SYCE1: variants seen among roughly 807,000 people sequenced by gnomAD.
SYCE1 encodes the protein synaptonemal complex central element protein 1, also known as cancer/testis antigen 76.
In SYCE1, 37 loss-of-function variants were observed where a neutral mutation model predicts 55.1. That is an observed-to-expected ratio of 0.67 (90% CI 0.52 to 0.88). SYCE1 has a LOEUF of 0.88. Ranked by LOEUF, SYCE1 falls within the 40% of genes least tolerant of loss-of-function variation. The pLI is 0.00. For missense variants in SYCE1, 399 were observed against 416.4 expected (o/e 0.96, Z 0.36); for synonymous variants, 163 against 159.4 (o/e 1.02, Z -0.17).
chr10:133,566,415 A>T (rs1851935173), upstream of SYCE1, among the ~76,000 whole-genome samples: 1 of 150,214 alleles, frequency 6.7e-6, no homozygotes, highest in Admixed American at 6.6e-5. Flanking sequence ...AGAGCTAGGG[A>T]TTAAGGTTAG....
At chr10:133,566,984 G>T (rs909762374), upstream of SYCE1, among the ~76,000 whole-genome samples, 1 of 151,766 alleles carries the variant, frequency 6.6e-6, no homozygotes, top group African/African-American at 2.4e-5. Flanking sequence ...AGGTTTAGGG[G>T]TAGCGTTGTG....
chr10:133,557,186 G>A, intron 6 of SYCE1, 30 bp from the exon 7 acceptor site: 2 of 1,600,000 alleles, frequency 1.3e-6, no homozygotes. Flanking sequence ...CCTCAGCCAT[G>A]TTCTCTTAAG....
chr10:133,565,675 A>C (rs937366734), upstream of SYCE1: 4 of 776,400 alleles, frequency 5.2e-6, no homozygotes, highest in East Asian at 9.2e-5. Context: ...ATTCTCCGGC[A>C]GGCCTGCGTG....
At chr10:133,554,790 C>T (rs568669095), downstream of SYCE1, 17 of 1,473,594 alleles carry the variant, frequency 1.2e-5, no homozygotes, top group East Asian at 3.9e-4. Flanking sequence ...CTGCATCCCT[C>T]TGCCTGCGGA....
chr10:133,566,044 C>T (rs533129676), upstream of SYCE1, among the ~76,000 whole-genome samples: 1 of 152,362 alleles, frequency 6.6e-6, no homozygotes, highest in East Asian at 1.9e-4. Flanking sequence ...GCTGTTCCTG[C>T]GCGCGCAGAG....
At chr10:133,554,519 G>A (rs1851603727), downstream of SYCE1, 2 of 657,906 alleles carry the variant, frequency 3.0e-6, no homozygotes, top group East Asian at 5.5e-5. Flanking sequence ...TCCTCTTCCT[G>A]TCCAAAAGTG....
Position 133,563,753 on chromosome 10 carries a change from C to T in SYCE1, c.73+1704G>A, listed in dbSNP as rs532347858. Among the ~76,000 whole-genome samples the T allele has an allele frequency of 2.7e-5, 4 of 149,998 alleles. No homozygotes were observed. The East Asian group carries it at 8.3e-4, about 31-fold the overall frequency. Reference sequence around the variant, plus strand: ...GCTTATTTTTGAGTTTATGGAGTCCCCTCATTTTGGTCCCACCTGAAATCT... The same window carrying T: ...GCTTATTTTTGAGTTTATGGAGTCCTCTCATTTTGGTCCCACCTGAAATCT... On this transcript the variant is annotated intron_variant, in intron 1 of 12. Coordinates refer to ENST00000343131, the MANE Select transcript of SYCE1 (RefSeq NM_001143764.3).
At chr10:133,561,561 G>C (rs542932101) in intron 1 of SYCE1, among the ~76,000 whole-genome samples, 21 of 152,288 alleles carry the variant, frequency 1.4e-4, no homozygotes, top group Non-Finnish European at 3.1e-4. Flanking sequence ...AGACAAGTTT[G>C]AGGGTTTTTT....
Position 133,559,359 on chromosome 10 carries a change from C to A in SYCE1, c.138G>T (p.Val46=), listed in dbSNP as rs955595577. 3.1e-6 allele frequency: 5 copies of A among 1,613,948 alleles called. No individual in the cohort carries two copies. In the African/African-American group the frequency reaches 6.7e-5, roughly 22 times the overall value. ...CCTCAACTCGGGGCTCTAGGCTTCCCACTGCACGGAGGAAAGGAGGTTGAG... is the reference window on the plus strand; with the variant it reads ...CCTCAACTCGGGGCTCTAGGCTTCCAACTGCACGGAGGAAAGGAGGTTGAG... ...LMEMVQKLQK[V]GSLEPRVEVL... is the part of the protein sequence containing the mutation. The change falls in exon 3 of 13, where the codon GTG becomes GTT. Residue 46 remains valine, a splice_region_variant and synonymous_variant. Transcript: ENST00000343131.
chr10:133,559,500 G>T, intron 2 of SYCE1, 140 bp from the exon 3 acceptor site: 1 of 785,912 alleles, frequency 1.3e-6, no homozygotes, highest in Non-Finnish European at 2.2e-6. Context: ...CCCTCACGGG[G>T]CTCACGTTCT....
intron 6 of SYCE1, chr10:133,557,578 A>G: frequency 3.7e-6 from 2 of 535,228 alleles, no homozygotes; most frequent in Non-Finnish European, 6.7e-6. Flanking sequence ...CAGACAGATG[A>G]GTGAATAGAC....
chr10:133,554,186 T>C (rs1302748135), downstream of SYCE1: 1 of 1,015,392 alleles, frequency 9.8e-7, no homozygotes, highest in East Asian at 2.4e-5. Context: ...TATGATTAAC[T>C]GCATCTTAGA....
chr10:133,557,632 C>A (rs958083971), intron 6 of SYCE1: 3 of 587,394 alleles, frequency 5.1e-6, no homozygotes, highest in Admixed American at 5.9e-5. Context: ...AAATAAAAAC[C>A]AGCTGAAGAA....
chr10:133,567,527 G>T (rs1851976423), upstream of SYCE1, among the ~76,000 whole-genome samples: 1 of 152,012 alleles, frequency 6.6e-6, no homozygotes, highest in Admixed American at 6.5e-5. Context: ...TGGGCTGTGA[G>T]ATCCACTCTT....
Position 133,564,290 on chromosome 10 carries a change from G to A in SYCE1, c.73+1167C>T, listed in dbSNP as rs116507586. ...GCCAGGAAGCAGGCCCCCACCAGAC[G>A]CTGAATTGCACCTTGATCTTGAACT... On this transcript the variant is annotated intron_variant, in intron 1 of 12. Transcript: ENST00000343131. The A allele has an allele frequency of 3.6e-3, 2,523 of 698,064 alleles. No individual in the cohort carries two copies. In the African/African-American group the frequency reaches 0.046, roughly 13 times the overall value. 43.2% of individuals were successfully genotyped at this position (698,064 alleles called of 1,614,324 possible). A position where few individuals can be genotyped will look rare whatever the true frequency, so the allele number is the denominator to read the frequency against.
At chr10:133,559,796 G>T in intron 2 of SYCE1, 1 of 456,110 alleles carries the variant, frequency 2.2e-6, no homozygotes. Flanking sequence ...GAGGGGGAAG[G>T]AAGGGAAGTG....
upstream of SYCE1, chr10:133,565,653 AGATGTGAG>A (rs1487617729): frequency 4.5e-6 from 4 of 898,118 alleles, no homozygotes; most frequent in East Asian, 1.2e-4. Context: ...GCGCGCCTGG[AGATGTGAG>A]GTAATTCTCC....
At chr10:133,565,968 G>A (rs370107197), upstream of SYCE1, among the ~76,000 whole-genome samples, 3 of 152,238 alleles carry the variant, frequency 2.0e-5, no homozygotes, top group Non-Finnish European at 4.4e-5. Flanking sequence ...GGCTCTGCGG[G>A]ACCACACCGC....
At position 133,555,869 on chromosome 10, in the gene SYCE1, C is replaced by G; in HGVS notation, c.630G>C (p.Lys210Asn). Residue 210 changes from lysine (K) to asparagine (N), a missense_variant, in exon 10 of 13, where the codon AAG (lysine) becomes AAC (asparagine). Coordinates refer to ENST00000343131, the MANE Select transcript of SYCE1 (RefSeq NM_001143764.3). Reference sequence around the variant, plus strand: ...CCCCACACAGGGAGCACAGCTGATGCTTCACGTCTTCCAGTGTCGCCTTGA... The same window carrying G: ...CCCCACACAGGGAGCACAGCTGATGGTTCACGTCTTCCAGTGTCGCCTTGA... Reference protein sequence around the residue: ...KLVKATLEDVKHQLCSLCGAE... With the variant: ...KLVKATLEDVNHQLCSLCGAE... 6.2e-7 allele frequency: 1 copy of G among 1,614,078 alleles called. No individual in the cohort carries two copies. The highest frequency in any genetic ancestry group is 8.5e-7 in the Non-Finnish European group (1 of 1,179,982).
Sources: allele counts gnomAD v4.1 joint callset (sites outside exome capture counted in the v4.1 genomes callset), GRCh38; gene constraint gnomAD v4.1.1; transcripts MANE v1.5; gene names NCBI Gene and HGNC (gene_info 2026-07-23, HGNC 2026-07-21).